The following SIPA1L1 variants were observed in gnomAD, a reference collection of about 807,000 sequenced individuals.
The protein encoded by SIPA1L1 is signal-induced proliferation-associated 1-like protein 1.
Under a neutral mutation model 162.7 loss-of-function variants are expected in SIPA1L1, and 26 were observed. That is an observed-to-expected ratio of 0.16 (90% CI 0.12 to 0.22). SIPA1L1 has a LOEUF of 0.22. Among genes scored for constraint, SIPA1L1 ranks in the 10% least tolerant of loss-of-function variants. The probability of loss-of-function intolerance (pLI) is 1.00; values close to 1 mark genes in which losing one functional copy is unlikely to be tolerated. For missense variants in SIPA1L1, 1,874 were observed against 2,241.0 expected (o/e 0.84, Z 3.31); for synonymous variants, 829 against 837.4 (o/e 0.99, Z 0.17).
intron 2 of SIPA1L1, among the ~76,000 whole-genome samples, chr14:71,493,260 G>GT (rs556586597): frequency 3.5e-4 from 53 of 151,524 alleles, no homozygotes; most frequent in African/African-American, 1.2e-3. Context: ...CACGCCCCCA[G>GT]TTTTTTTTAT....
chr14:71,657,041 G>A (rs151335473), intron 8 of SIPA1L1, among the ~76,000 whole-genome samples: 39 of 152,278 alleles, frequency 2.6e-4, no homozygotes, highest in African/African-American at 9.1e-4. Flanking sequence ...GCCATCAAGT[G>A]TTTTGGTCCT....
At chr14:71,382,286 T>A (rs914460453) in intron 2 of SIPA1L1, among the ~76,000 whole-genome samples, 1 of 152,216 alleles carries the variant, frequency 6.6e-6, no homozygotes, top group African/African-American at 2.4e-5. Flanking sequence ...CTGATATTAT[T>A]ATTGCATAAG....
intron 9 of SIPA1L1, 86 bp downstream of exon 9, chr14:71,658,522 C>A: frequency 2.3e-6 from 2 of 879,314 alleles, no homozygotes; most frequent in Non-Finnish European, 3.8e-6. Context: ...AATCTTAAAC[C>A]AGAATTTAGT....
intron 13 of SIPA1L1, among the ~76,000 whole-genome samples, chr14:71,686,724 T>G (rs7401916): frequency 0.46 from 69,471 of 151,900 alleles, 16,669 homozygotes; most frequent in Admixed American, 0.54. Flanking sequence ...TCAACTTCTT[T>G]CTGTCCATCC....
intron 7 of SIPA1L1, among the ~76,000 whole-genome samples, chr14:71,628,664 AG>A (rs1455011252): frequency 6.6e-5 from 10 of 152,224 alleles, no homozygotes; most frequent in Admixed American, 6.5e-4. Flanking sequence ...AATGGATGTC[AG>A]GGTTAATATA....
chr14:71,371,299 G>T (rs1200627453), intron 2 of SIPA1L1, among the ~76,000 whole-genome samples: 1 of 152,186 alleles, frequency 6.6e-6, no homozygotes, highest in East Asian at 1.9e-4. Context: ...CAATATTTCT[G>T]TAATGGATTG....
At chr14:71,563,163 AT>A (rs1179652948) in intron 4 of SIPA1L1, among the ~76,000 whole-genome samples, 1 of 152,040 alleles carries the variant, frequency 6.6e-6, no homozygotes, top group Non-Finnish European at 1.5e-5. Context: ...GTTTCAGTTG[AT>A]TTCTCTTTTT....
At chr14:71,330,341 G>T (rs2034373476) in intron 2 of SIPA1L1, 1 of 821,848 alleles carries the variant, frequency 1.2e-6, no homozygotes, top group Non-Finnish European at 2.2e-6. Flanking sequence ...ACTCTCTAGT[G>T]CACAGTCCTC....
At chr14:71,660,762 A>G (rs2043442147) in intron 9 of SIPA1L1, among the ~76,000 whole-genome samples, 1 of 152,232 alleles carries the variant, frequency 6.6e-6, no homozygotes, top group Non-Finnish European at 1.5e-5. Flanking sequence ...AGCAGCTTTC[A>G]TTGCAGTTAA....
chr14:71,660,984 G>A lies in SIPA1L1; in HGVS notation c.2098-326G>A, dbSNP rs145813123. On this transcript the variant is annotated intron_variant, in intron 9 of 23. Coordinates refer to ENST00000381232, the MANE Select transcript of SIPA1L1 (RefSeq NM_001386936.1). ...TCTCTAAAAATCTTCCCTGTGGCAC[G>A]TGTTTTTCTTATGTGAAAATGGAAC... 9.3e-4 allele frequency among the ~76,000 whole-genome samples: 142 copies of A among 152,288 alleles called. 1 individual carries two copies. In the East Asian group the frequency reaches 0.021, roughly 23 times the overall value.
chr14:71,371,834 A>T (rs2141022913), intron 2 of SIPA1L1, among the ~76,000 whole-genome samples: 1 of 152,306 alleles, frequency 6.6e-6, no homozygotes, highest in Non-Finnish European at 1.5e-5. Flanking sequence ...ATGGTTTCAC[A>T]TGTATTCTTT....
At chr14:71,669,970 CAG>C (rs1165435446) in intron 10 of SIPA1L1, among the ~76,000 whole-genome samples, 1 of 152,078 alleles carries the variant, frequency 6.6e-6, no homozygotes, top group Non-Finnish European at 1.5e-5. Context: ...AAAAGTGAAA[CAG>C]AGCTCTTCAA....
chr14:71,645,740 A>G lies in SIPA1L1; in HGVS notation c.1819-4595A>G, dbSNP rs538131444. On this transcript the variant is annotated intron_variant, in intron 7 of 23. Transcript: ENST00000381232. The stretch of plus-strand genomic sequence containing the variant: ...AAAAGTGCCAGCAGTTTGACTCACC[A>G]TGAGTGCATATGTCCGTGGAAAATA... Among the ~76,000 whole-genome samples, 22 of 152,290 alleles carry G rather than the reference A, an allele frequency of 1.4e-4. 2 individuals carry two copies. In the South Asian group the frequency reaches 4.3e-3, roughly 30 times the overall value.
intron 7 of SIPA1L1, 122 bp downstream of exon 7, chr14:71,624,358 T>G (rs2039753267): frequency 1.2e-6 from 1 of 809,120 alleles, no homozygotes; most frequent in Non-Finnish European, 1.8e-6. Flanking sequence ...TGAAAGACAC[T>G]CTCTTTGCAA....
intron 2 of SIPA1L1, among the ~76,000 whole-genome samples, chr14:71,346,043 G>T (rs1159040661): frequency 6.6e-6 from 1 of 152,020 alleles, no homozygotes; most frequent in African/African-American, 2.4e-5. Flanking sequence ...GAGTAGCTGG[G>T]ACTACATGCG....
chr14:71,736,242 AAAAAATTATCTGGGCAT>A (rs565135941), intron 22 of SIPA1L1, among the ~76,000 whole-genome samples: 206 of 152,234 alleles, frequency 1.4e-3, no homozygotes, highest in Non-Finnish European at 2.4e-3. Flanking sequence ...CTAAAAATAC[AAAAAATTATCTGGGCAT>A]GGTGGTGCAC....
Position 71,730,136 on chromosome 14 carries a change from G to A in SIPA1L1, c.4696G>A (p.Glu1566Lys). 4 of 1,614,130 alleles carry A rather than the reference G, an allele frequency of 2.5e-6. No homozygotes were observed. Among genetic ancestry groups the A allele is most frequent in the Non-Finnish European group, 1.7e-6 (2 of 1,180,016 alleles). The stretch of plus-strand genomic sequence containing the variant: ...GGCCTTGCACAGAACACTGTCGGAC[G>A]AGAGCATTTACAATAGCCAGAGGGA... ...RRALHRTLSD[E>K]SIYNSQREHF... The change falls in exon 20 of 24, where the codon GAG becomes AAG. Residue 1566 changes from glutamate (E) to lysine (K), a missense_variant. Physicochemically the swap from Glu to Lys is moderately conservative, Grantham distance 56. Coordinates refer to ENST00000381232, the MANE Select transcript of SIPA1L1 (RefSeq NM_001386936.1).
intron 2 of SIPA1L1, among the ~76,000 whole-genome samples, chr14:71,451,653 GAAAA>G (rs1179516250): frequency 7.4e-6 from 1 of 135,148 alleles, no homozygotes; most frequent in Non-Finnish European, 1.6e-5. Context: ...AAAAAAAAAA[GAAAA>G]AATTCTCTTG....
At chr14:71,474,999 C>T (rs1387936171) in intron 2 of SIPA1L1, among the ~76,000 whole-genome samples, 1 of 152,110 alleles carries the variant, frequency 6.6e-6, no homozygotes, top group African/African-American at 2.4e-5. Flanking sequence ...TTGCTGGCCA[C>T]TCAGACTAAT....
Sources: allele counts gnomAD v4.1 joint callset (sites outside exome capture counted in the v4.1 genomes callset), GRCh38; gene constraint gnomAD v4.1.1; transcripts MANE v1.5; gene names NCBI Gene and HGNC (gene_info 2026-07-23, HGNC 2026-07-21).